The following KIAA1328 variants were observed in gnomAD, a reference collection of about 807,000 sequenced individuals.
The protein encoded by KIAA1328 is KIAA1328.
In KIAA1328, 52 loss-of-function variants were observed where a neutral mutation model predicts 68.1. The observed-to-expected ratio is 0.76, with a 90% CI of 0.61 to 0.96. The LOEUF (loss-of-function observed/expected upper bound fraction) is 0.96, where lower values mean the gene tolerates loss of function less well. Ranked by LOEUF, KIAA1328 falls within the 40% of genes least tolerant of loss-of-function variation. The pLI, the probability that KIAA1328 is intolerant of heterozygous loss-of-function variation, is 0.00. For missense variants in KIAA1328, 641 were observed against 677.6 expected (o/e 0.95, Z 0.60); for synonymous variants, 232 against 239.4 (o/e 0.97, Z 0.28).
At chr18:37,009,268 G>A (rs973382333) in intron 6 of KIAA1328, among the ~76,000 whole-genome samples, 3 of 152,112 alleles carry the variant, frequency 2.0e-5, no homozygotes, top group African/African-American at 7.2e-5. Flanking sequence ...GAATAACAGT[G>A]TCCCTAGTTA....
At chr18:36,881,937 T>C (rs1289574474) in intron 4 of KIAA1328, among the ~76,000 whole-genome samples, 2 of 152,210 alleles carry the variant, frequency 1.3e-5, no homozygotes, top group African/African-American at 2.4e-5. Flanking sequence ...TGTGGACATA[T>C]GTTTTCATTT....
chr18:37,116,608 C>A (rs2058115872), intron 7 of KIAA1328, among the ~76,000 whole-genome samples: 2 of 152,320 alleles, frequency 1.3e-5, no homozygotes, highest in South Asian at 4.1e-4. Flanking sequence ...TGGGCAAGGA[C>A]TTTATGACTA....
At chr18:37,004,463 T>A (rs2053702876) in intron 6 of KIAA1328, among the ~76,000 whole-genome samples, 1 of 151,968 alleles carries the variant, frequency 6.6e-6, no homozygotes, top group South Asian at 2.1e-4. Context: ...AATAGACAAT[T>A]CTCAAAAGAA....
intron 4 of KIAA1328, among the ~76,000 whole-genome samples, chr18:36,863,340 C>T (rs1568091859): frequency 4.0e-5 from 6 of 151,720 alleles, no homozygotes; most frequent in Admixed American, 2.6e-4. Context: ...TTGGCATATT[C>T]ATATGGGTCT....
At chr18:37,085,748 G>A (rs572605574) in intron 7 of KIAA1328, among the ~76,000 whole-genome samples, 1 of 152,008 alleles carries the variant, frequency 6.6e-6, no homozygotes, top group East Asian at 1.9e-4. Context: ...CCATCTATTT[G>A]CTCCCTCCTT....
intron 4 of KIAA1328, among the ~76,000 whole-genome samples, chr18:36,883,326 T>C (rs532194390): frequency 1.3e-4 from 20 of 152,314 alleles, no homozygotes; most frequent in African/African-American, 4.8e-4. Context: ...CAGGTCACAG[T>C]CAGTCAAAAC....
intron 6 of KIAA1328, among the ~76,000 whole-genome samples, chr18:36,974,006 T>C (rs1474370874): frequency 1.3e-5 from 2 of 152,038 alleles, no homozygotes; most frequent in African/African-American, 4.8e-5. Flanking sequence ...AACATTAAAG[T>C]TTATGTGTTA....
At chr18:36,914,595 C>T (rs1476110412) in intron 5 of KIAA1328, among the ~76,000 whole-genome samples, 1 of 151,994 alleles carries the variant, frequency 6.6e-6, no homozygotes, top group African/African-American at 2.4e-5. Context: ...TGGCGGGTGC[C>T]TGTAATCCCA....
At chr18:37,140,139 G>T (rs185289771) in intron 7 of KIAA1328, among the ~76,000 whole-genome samples, 1 of 152,102 alleles carries the variant, frequency 6.6e-6, no homozygotes, top group East Asian at 1.9e-4. Flanking sequence ...TGCACCAAAT[G>T]CAGCTTTAAA....
chr18:37,036,302 A>G (rs2055026082), intron 6 of KIAA1328, among the ~76,000 whole-genome samples: 1 of 152,222 alleles, frequency 6.6e-6, no homozygotes, highest in Admixed American at 6.5e-5. Context: ...TCTCTCTGTA[A>G]GAGAAAGTTT....
rs145677509 is a variant in KIAA1328, at chr18:37,029,937, T to C, written c.577-36953T>C. On this transcript the variant is annotated intron_variant, in intron 6 of 9. Coordinates refer to ENST00000280020, the MANE Select transcript of KIAA1328 (RefSeq NM_020776.3). Reference sequence around the variant, plus strand: ...TCTATTTTGTCTTCAGTCAATTTGGTAGTTTCTGTCTTTCAAGGAATTTGT... The same window carrying C: ...TCTATTTTGTCTTCAGTCAATTTGGCAGTTTCTGTCTTTCAAGGAATTTGT... Among the ~76,000 whole-genome samples, 173 of 152,328 alleles carry C rather than the reference T, an allele frequency of 1.1e-3. 1 individual carries two copies. Among genetic ancestry groups the C allele is most frequent in the African/African-American group, 4.0e-3 (166 of 41,586 alleles).
intron 6 of KIAA1328, among the ~76,000 whole-genome samples, chr18:36,976,446 A>C (rs905636380): frequency 6.6e-6 from 1 of 152,182 alleles, no homozygotes; most frequent in Non-Finnish European, 1.5e-5. Flanking sequence ...AAATGAAATA[A>C]AATTATTGCG....
intron 9 of KIAA1328, among the ~76,000 whole-genome samples, chr18:37,189,370 AT>A (rs1172482910): frequency 6.6e-6 from 1 of 152,240 alleles, no homozygotes; most frequent in African/African-American, 2.4e-5. Flanking sequence ...TATTATTTAC[AT>A]TGGATATTTG....
chr18:37,203,311 T>C (rs1049088775), intron 9 of KIAA1328, among the ~76,000 whole-genome samples: 3 of 152,096 alleles, frequency 2.0e-5, no homozygotes, highest in Non-Finnish European at 4.4e-5. Context: ...TATAAACTTT[T>C]ATAGTTTTTC....
chr18:37,028,590 CTT>C (rs1415395869), intron 6 of KIAA1328, among the ~76,000 whole-genome samples: 1 of 151,726 alleles, frequency 6.6e-6, no homozygotes, highest in Non-Finnish European at 1.5e-5. Context: ...AATGGATGTC[CTT>C]GTCTTGTTCT....
At chr18:37,123,995 AAG>A (rs1213081906) in intron 7 of KIAA1328, among the ~76,000 whole-genome samples, 1 of 152,180 alleles carries the variant, frequency 6.6e-6, no homozygotes, top group African/African-American at 2.4e-5. Flanking sequence ...GTATAAATTT[AAG>A]AGAGAGATTC....
chr18:37,164,993 C>T (rs1005610708), intron 8 of KIAA1328, among the ~76,000 whole-genome samples: 1 of 152,142 alleles, frequency 6.6e-6, no homozygotes, highest in South Asian at 2.1e-4. Context: ...CCTCCTGAAG[C>T]CTTTCCTCTT....
In KIAA1328 at chr18:37,098,402, C is replaced by T. The variant is rs550377328; in HGVS notation, c.1232+30857C>T. On this transcript the variant is annotated intron_variant, in intron 7 of 9. Coordinates refer to ENST00000280020, the MANE Select transcript of KIAA1328 (RefSeq NM_020776.3). ...TATTGATTTGTGTATGTTGAACCAG[C>T]CTTGCATCCCAGGGATGAAGCCCAC... Among the ~76,000 whole-genome samples, 57 of 152,306 alleles carry T rather than the reference C, an allele frequency of 3.7e-4. No homozygotes were observed. The East Asian group carries it at 0.01, about 28-fold the overall frequency.
intron 7 of KIAA1328, among the ~76,000 whole-genome samples, chr18:37,090,865 G>A (rs2057247069): frequency 6.6e-6 from 1 of 152,092 alleles, no homozygotes; most frequent in Non-Finnish European, 1.5e-5. Flanking sequence ...ATCTTTCTCA[G>A]TTAAGTATGA....
Sources: allele counts gnomAD v4.1 joint callset (sites outside exome capture counted in the v4.1 genomes callset), GRCh38; gene constraint gnomAD v4.1.1; transcripts MANE v1.5; gene names NCBI Gene and HGNC (gene_info 2026-07-23, HGNC 2026-07-21).